XKR9: variants seen among roughly 807,000 people sequenced by gnomAD.
XKR9 encodes the protein XK-related protein 9.
Under a neutral mutation model 32.0 loss-of-function variants are expected in XKR9, and 32 were observed. The ratio of observed to expected loss-of-function variants is 1.00; its 90% CI spans 0.76 to 1.34. The LOEUF (loss-of-function observed/expected upper bound fraction) is 1.34, where lower values mean the gene tolerates loss of function less well. Ranked by LOEUF, XKR9 falls within the 40% of genes most tolerant of loss-of-function variation. The pLI is 0.00. For synonymous variants in XKR9, 168 were observed against 143.4 expected (o/e 1.17, Z -1.22); for missense variants, 546 against 429.7 (o/e 1.27, Z -2.39).
At chr8:70,981,605 T>C in the XKR9 span, among the ~76,000 whole-genome samples, 1 of 152,218 alleles carries the variant, frequency 6.6e-6, no homozygotes, top group Non-Finnish European at 1.5e-5. Flanking sequence ...CCTCGCTGAT[T>C]AGCTTAATAA....
chr8:70,855,672 T>C, the XKR9 span, among the ~76,000 whole-genome samples: 1 of 152,192 alleles, frequency 6.6e-6, no homozygotes, highest in African/African-American at 2.4e-5. Flanking sequence ...AGACACATAA[T>C]TGTCAGATTC....
At chr8:71,041,068 G>C in the XKR9 span, among the ~76,000 whole-genome samples, 5 of 152,234 alleles carry the variant, frequency 3.3e-5, no homozygotes, top group South Asian at 1.0e-3. Context: ...TGTTTAAAAT[G>C]ACTTGCTCAC....
At chr8:70,766,889 C>T (rs1807383654) in intron 2 of XKR9, among the ~76,000 whole-genome samples, 2 of 151,946 alleles carry the variant, frequency 1.3e-5, no homozygotes, top group African/African-American at 2.4e-5. Flanking sequence ...GTTTATGTGA[C>T]AAATTATGTT....
chr8:70,682,854 C>G (rs921214606), intron 3 of XKR9, among the ~76,000 whole-genome samples: 1 of 152,170 alleles, frequency 6.6e-6, no homozygotes, highest in Non-Finnish European at 1.5e-5. Flanking sequence ...GAGTTGAGGT[C>G]CCTCAGTCAA....
the XKR9 span, among the ~76,000 whole-genome samples, chr8:70,966,657 C>T: frequency 6.6e-6 from 1 of 152,128 alleles, no homozygotes; most frequent in Non-Finnish European, 1.5e-5. Context: ...GAGCAGAGTT[C>T]AGGTCCTGAA....
At chr8:70,850,676 A>G in the XKR9 span, among the ~76,000 whole-genome samples, 2 of 152,148 alleles carry the variant, frequency 1.3e-5, no homozygotes, top group South Asian at 2.1e-4. Flanking sequence ...AACAGAATCA[A>G]TGACAAAACC....
chr8:70,790,701 A>T (rs1807753114), downstream of XKR9, among the ~76,000 whole-genome samples: 1 of 152,112 alleles, frequency 6.6e-6, no homozygotes, highest in Non-Finnish European at 1.5e-5. Context: ...AACCTCTTAC[A>T]GTCTAGTCTT....
chr8:70,719,645 T>G (rs937037352), intron 4 of XKR9, among the ~76,000 whole-genome samples: 20 of 152,102 alleles, frequency 1.3e-4, no homozygotes, highest in Non-Finnish European at 2.1e-4. Flanking sequence ...TCCTGATCCA[T>G]TGTTCTATAT....
At chr8:70,789,652 T>C (rs562575990) in intron 3 of XKR9, among the ~76,000 whole-genome samples, 34 of 152,262 alleles carry the variant, frequency 2.2e-4, no homozygotes, top group African/African-American at 7.9e-4. Flanking sequence ...GGCCATTATA[T>C]AGAAATCTCA....
At chr8:70,909,396 C>T in the XKR9 span, among the ~76,000 whole-genome samples, 1 of 152,162 alleles carries the variant, frequency 6.6e-6, no homozygotes, top group Non-Finnish European at 1.5e-5. Flanking sequence ...CAGCAATATT[C>T]TCTAGTGCCT....
At chr8:71,047,501 G>A in the XKR9 span, among the ~76,000 whole-genome samples, 2 of 152,176 alleles carry the variant, frequency 1.3e-5, no homozygotes, top group Admixed American at 1.3e-4. Flanking sequence ...TTTCCAAAGT[G>A]ATCATGTGTA....
intron 2 of XKR9, among the ~76,000 whole-genome samples, chr8:70,746,763 G>A (rs1021570253): frequency 2.0e-5 from 3 of 151,588 alleles, no homozygotes; most frequent in Admixed American, 6.6e-5. Context: ...AGTATTGAGA[G>A]GTGGGGCCTT....
chr8:70,671,490 G>A lies in XKR9; in HGVS notation c.-361+1952G>A, dbSNP rs544686805. On this transcript the variant is annotated intron_variant, in intron 1 of 4. Coordinates refer to ENST00000408926, the MANE Select transcript of XKR9 (RefSeq NM_001011720.2). ...CAATGCTATCCCTCCCCCCTTCCCC[G>A]ACCCCACCACAGTCCCCAGAGTGTG... Among the ~76,000 whole-genome samples, 26 of 78,414 alleles carry A rather than the reference G, an allele frequency of 3.3e-4. 1 individual carries two copies. Among genetic ancestry groups the A allele is most frequent in the African/African-American group, 1.0e-3 (26 of 25,576 alleles). 51.4% of individuals were successfully genotyped at this position (78,414 alleles called of 152,430 possible). A position where few individuals can be genotyped will look rare whatever the true frequency, so the allele number is the denominator to read the frequency against.
the XKR9 span, among the ~76,000 whole-genome samples, chr8:70,912,627 T>C: frequency 6.6e-6 from 1 of 152,160 alleles, no homozygotes; most frequent in Non-Finnish European, 1.5e-5. Context: ...ATGAATATTT[T>C]CAACAGGCAA....
the XKR9 span, among the ~76,000 whole-genome samples, chr8:71,004,138 C>T: frequency 5.3e-5 from 8 of 152,054 alleles, no homozygotes; most frequent in African/African-American, 1.9e-4. Context: ...CGTGGAGGAC[C>T]ATGTTGTGAA....
intron 3 of XKR9, among the ~76,000 whole-genome samples, chr8:70,693,909 A>AGTT (rs148324723): frequency 0.021 from 3,243 of 152,284 alleles, 98 homozygotes; most frequent in African/African-American, 0.075. Context: ...AGAGGCTTTC[A>AGTT]GTTGCCCCCA....
At chr8:70,709,723 G>A (rs1468916801) in intron 4 of XKR9, among the ~76,000 whole-genome samples, 1 of 152,056 alleles carries the variant, frequency 6.6e-6, no homozygotes, top group Non-Finnish European at 1.5e-5. Flanking sequence ...GAATAAAATA[G>A]CAAGAAATAT....
At chr8:70,816,891 A>C in the XKR9 span, among the ~76,000 whole-genome samples, 2 of 152,206 alleles carry the variant, frequency 1.3e-5, no homozygotes, top group African/African-American at 4.8e-5. Context: ...ATCTCAATAC[A>C]TGCAGAAAAA....
the XKR9 span, among the ~76,000 whole-genome samples, chr8:71,054,380 A>G: frequency 6.6e-6 from 1 of 152,220 alleles, no homozygotes; most frequent in African/African-American, 2.4e-5. Context: ...TCTAGAATGT[A>G]TGATCTGGGA....
Sources: gnomAD v4.1 joint callset for allele counts (sites outside exome capture counted in the v4.1 genomes callset) on GRCh38, gnomAD v4.1.1 for gene constraint, MANE v1.5 for transcripts, NCBI Gene and HGNC (gene_info 2026-07-23, HGNC 2026-07-21) for gene names.